The following SPAG16 variants were observed in gnomAD, a reference collection of about 807,000 sequenced individuals.
The protein encoded by SPAG16 is sperm-associated antigen 16 protein.
Under a neutral mutation model 80.4 loss-of-function variants are expected in SPAG16, and 86 were observed. That is an observed-to-expected ratio of 1.07 (90% CI 0.90 to 1.28). SPAG16 has a LOEUF of 1.28. SPAG16 is among the 50% of genes most tolerant of loss of function. The probability of loss-of-function intolerance (pLI) is 0.00; values close to 1 mark genes in which losing one functional copy is unlikely to be tolerated. For synonymous variants in SPAG16, 294 were observed against 265.9 expected, an observed-to-expected ratio of 1.11 and a Z score of -1.03; for missense variants, 870 against 765.3, an observed-to-expected ratio of 1.14 and a Z score of -1.61.
intron 15 of SPAG16, among the ~76,000 whole-genome samples, chr2:214,181,175 A>T (rs138433320): frequency 6.6e-6 from 1 of 152,016 alleles, no homozygotes; most frequent in African/African-American, 2.4e-5. Context: ...ACATCTGAGA[A>T]GAAAGAGAAG....
At chr2:213,805,490 A>T (rs2071710374) in intron 10 of SPAG16, among the ~76,000 whole-genome samples, 1 of 152,222 alleles carries the variant, frequency 6.6e-6, no homozygotes. Context: ...ACCAAGGCCA[A>T]TAGAGATAAG....
At chr2:214,399,453 A>G (rs1033136349) in intron 15 of SPAG16, among the ~76,000 whole-genome samples, 6 of 152,104 alleles carry the variant, frequency 3.9e-5, no homozygotes, top group African/African-American at 1.2e-4. Flanking sequence ...ACAATTCACC[A>G]CCTGAACATT....
At chr2:214,246,491 G>C (rs1689857551) in intron 15 of SPAG16, among the ~76,000 whole-genome samples, 1 of 152,072 alleles carries the variant, frequency 6.6e-6, no homozygotes, top group African/African-American at 2.4e-5. Flanking sequence ...AGTAATCAAG[G>C]CTTTGTATAT....
chr2:213,754,334 A>G (rs932514049), intron 10 of SPAG16, among the ~76,000 whole-genome samples: 1 of 152,238 alleles, frequency 6.6e-6, no homozygotes, highest in Non-Finnish European at 1.5e-5. Flanking sequence ...GCCTGAAAAC[A>G]CTGTGCTTAT....
rs1466658109 is a variant in SPAG16 at position 213,930,080 on chromosome 2, C to T, written c.1335C>T (p.His445=). Residue 445 remains histidine (H), a synonymous_variant, in exon 12 of 16, where the codon CAC becomes CAT. Coordinates refer to ENST00000331683, the MANE Select transcript of SPAG16 (RefSeq NM_024532.5). ...HSRAVWSCTW[H]SCGNFVASSS... ...GCGCAGTGTGGTCCTGCACATGGCA[C>T]TCCTGCGGCAATTTTGTGGCTTCCT... 1.2e-6 allele frequency: 2 copies of T among 1,613,912 alleles called. No individual in the cohort carries two copies. The highest frequency in any genetic ancestry group is 1.3e-5 in the African/African-American group (1 of 74,916).
chr2:214,046,967 G>A (rs550927625), intron 13 of SPAG16, among the ~76,000 whole-genome samples: 3 of 149,654 alleles, frequency 2.0e-5, no homozygotes, highest in Non-Finnish European at 4.4e-5. Flanking sequence ...AATATAACTA[G>A]GAATTAACTA....
intron 10 of SPAG16, among the ~76,000 whole-genome samples, chr2:213,830,456 G>A (rs1035992113): frequency 1.3e-5 from 2 of 152,252 alleles, no homozygotes; most frequent in African/African-American, 4.8e-5. Flanking sequence ...AACAGGTACT[G>A]TAATTTCCCA....
chr2:214,383,587 GA>G (rs112485531), intron 15 of SPAG16, among the ~76,000 whole-genome samples: 57 of 145,414 alleles, frequency 3.9e-4, no homozygotes, highest in Non-Finnish European at 2.9e-4. Context: ...AAAGAAAAAA[GA>G]AAAAAAAAGA....
At chr2:214,103,055 G>C (rs2053165802) in intron 13 of SPAG16, among the ~76,000 whole-genome samples, 1 of 152,102 alleles carries the variant, frequency 6.6e-6, no homozygotes. Context: ...TGTGTTTAGG[G>C]AGGTATATGC....
chr2:213,992,377 A>G (rs1477620716), intron 12 of SPAG16, among the ~76,000 whole-genome samples: 1 of 152,198 alleles, frequency 6.6e-6, no homozygotes, highest in East Asian at 1.9e-4. Context: ...ATATGTAGGT[A>G]TGAGTCACTG....
chr2:213,400,325 A>T (rs1460681022), intron 9 of SPAG16, among the ~76,000 whole-genome samples: 1 of 152,118 alleles, frequency 6.6e-6, no homozygotes, highest in Non-Finnish European at 1.5e-5. Flanking sequence ...CATCCCACAG[A>T]TGTTTATATG....
At chr2:213,648,107 A>G (rs1028004810) in intron 10 of SPAG16, among the ~76,000 whole-genome samples, 1 of 152,176 alleles carries the variant, frequency 6.6e-6, no homozygotes, top group Non-Finnish European at 1.5e-5. Context: ...AACCCCCTTT[A>G]TAATCATTTC....
chr2:213,551,329 G>T (rs907360077), intron 10 of SPAG16, among the ~76,000 whole-genome samples: 1 of 152,168 alleles, frequency 6.6e-6, no homozygotes, highest in African/African-American at 2.4e-5. Flanking sequence ...TTTTTCACTG[G>T]CATTAGGGGG....
chr2:213,444,800 G>C (rs1417613198), intron 9 of SPAG16, among the ~76,000 whole-genome samples: 1 of 151,944 alleles, frequency 6.6e-6, no homozygotes, highest in Non-Finnish European at 1.5e-5. Flanking sequence ...TGATCAAAAA[G>C]AACAAAGCTG....
At chr2:213,417,186 TA>T (rs774651698) in intron 9 of SPAG16, among the ~76,000 whole-genome samples, 84 of 151,954 alleles carry the variant, frequency 5.5e-4, no homozygotes, top group Non-Finnish European at 1.0e-3. Context: ...TCAAGCATCA[TA>T]CTATATAGAA....
At chr2:214,278,453 G>A (rs112530494) in intron 15 of SPAG16, among the ~76,000 whole-genome samples, 2,592 of 152,028 alleles carry the variant, frequency 0.017, 47 homozygotes, top group African/African-American at 0.04. Context: ...TCTTAGAACC[G>A]GACCACATCC....
intron 15 of SPAG16, among the ~76,000 whole-genome samples, 167 bp from the exon 16 acceptor site, chr2:214,409,973 A>G (rs1433484915): frequency 1.3e-5 from 2 of 152,150 alleles, no homozygotes; most frequent in African/African-American, 4.8e-5. Context: ...CTTAATTTTG[A>G]CTCAACTTAT....
At chr2:213,728,535 G>A (rs2066876448) in intron 10 of SPAG16, among the ~76,000 whole-genome samples, 1 of 152,128 alleles carries the variant, frequency 6.6e-6, no homozygotes. Context: ...CAGGGAATAA[G>A]GACAGAAACA....
intron 10 of SPAG16, among the ~76,000 whole-genome samples, chr2:213,637,845 C>A (rs775086835): frequency 4.6e-5 from 7 of 152,324 alleles, no homozygotes; most frequent in Non-Finnish European, 7.4e-5. Context: ...CAAGCTCTGA[C>A]TCCCGGGTTC....
Sources: allele counts gnomAD v4.1 joint callset (sites outside exome capture counted in the v4.1 genomes callset), GRCh38; gene constraint gnomAD v4.1.1; transcripts MANE v1.5; gene names NCBI Gene and HGNC (gene_info 2026-07-23, HGNC 2026-07-21).